SASH1: variants seen among roughly 807,000 people sequenced by gnomAD.
The protein encoded by SASH1 is SAM and SH3 domain containing 1.
In SASH1, 44 loss-of-function variants were observed where a neutral mutation model predicts 125.2. The ratio of observed to expected loss-of-function variants is 0.35; its 90% CI spans 0.28 to 0.45. The LOEUF (loss-of-function observed/expected upper bound fraction) is 0.45. Ranked by LOEUF, SASH1 falls within the 20% of genes least tolerant of loss-of-function variation. The pLI is 1.00. For synonymous variants in SASH1, 639 were observed against 649.1 expected (o/e 0.98, Z 0.24); for missense variants, 1,426 against 1,614.5 (o/e 0.88, Z 2.00).
intron 1 of SASH1, among the ~76,000 whole-genome samples, chr6:148,322,975 C>T (rs1413286837): frequency 1.4e-5 from 2 of 142,784 alleles, no homozygotes; most frequent in African/African-American, 5.2e-5. Context: ...CTCTACTTCC[C>T]TCCCTCCCTT....
rs576798745 is a variant in SASH1, at chr6:148,446,088, C to CTTT, written c.386+5717_386+5719dup. Among the ~76,000 whole-genome samples, 15 of 71,012 alleles carry CTTT rather than the reference C, an allele frequency of 2.1e-4. 1 individual carries two copies. Among genetic ancestry groups the CTTT allele is most frequent in the Middle Eastern group, 0.011 (1 of 88 alleles). The allele number at this position is 71,012 out of a possible 152,430, so 46.6% of individuals were successfully genotyped here. ...TTGCTATCCTGAACAACATAGGGTT[C>CTTT]TTTTTTTTTTTTTTTTTTTTTTTTT... On this transcript the variant is annotated intron_variant, in intron 4 of 19. Transcript: ENST00000367467.
chr6:148,261,821 A>C, the SASH1 span, among the ~76,000 whole-genome samples: 1 of 152,140 alleles, frequency 6.6e-6, no homozygotes, highest in African/African-American at 2.4e-5. Flanking sequence ...TAGAAAAGGC[A>C]TGGGAATAAG....
chr6:148,234,578 C>A, the SASH1 span, among the ~76,000 whole-genome samples: 1 of 152,030 alleles, frequency 6.6e-6, no homozygotes, highest in Non-Finnish European at 1.5e-5. Flanking sequence ...GTAATGCCAG[C>A]ACTTTGGGAG....
intron 1 of SASH1, among the ~76,000 whole-genome samples, chr6:148,292,545 G>A (rs1779662341): frequency 6.6e-6 from 1 of 152,140 alleles, no homozygotes; most frequent in African/African-American, 2.4e-5. Context: ...AAATAGCCTT[G>A]AGAAGGCTCT....
At chr6:148,242,244 T>C in the SASH1 span, among the ~76,000 whole-genome samples, 1 of 152,234 alleles carries the variant, frequency 6.6e-6, no homozygotes, top group Admixed American at 6.5e-5. Context: ...ATAAAGTCAT[T>C]GTGATTCAGA....
At chr6:148,457,812 GAAAC>G (rs1200960109) in intron 4 of SASH1, among the ~76,000 whole-genome samples, 1 of 152,146 alleles carries the variant, frequency 6.6e-6, no homozygotes, top group Non-Finnish European at 1.5e-5. Flanking sequence ...GGTAGAAGAG[GAAAC>G]AAACACATCC....
At chr6:148,459,389 C>T (rs1273251651) in intron 4 of SASH1, among the ~76,000 whole-genome samples, 2 of 152,198 alleles carry the variant, frequency 1.3e-5, no homozygotes, top group Non-Finnish European at 2.9e-5. Flanking sequence ...ACAACCAGAC[C>T]ATGGGCCTCC....
At chr6:148,290,657 C>T (rs528313424) in intron 1 of SASH1, among the ~76,000 whole-genome samples, 29 of 151,692 alleles carry the variant, frequency 1.9e-4, no homozygotes, top group African/African-American at 6.5e-4. Flanking sequence ...TAAACAGATG[C>T]TTGAAGGCAG....
At chr6:148,457,177 TC>T (rs1366947202) in intron 4 of SASH1, among the ~76,000 whole-genome samples, 2 of 105,438 alleles carry the variant, frequency 1.9e-5, no homozygotes, top group Admixed American at 2.1e-4. Flanking sequence ...CAAGGCCCCC[TC>T]CCCCGCCCCT....
chr6:148,527,460 A>C lies in SASH1; in HGVS notation c.1292A>C (p.Glu431Ala), dbSNP rs1360095073. ...GSNNSDPMGK[E>A]GDFVYKEVIK... ...CAACATTTTGTTTTACAGGGTAAAGAAGGAGACTTTGTGTACAAAGAAGTC... is the reference window on the plus strand; with the variant it reads ...CAACATTTTGTTTTACAGGGTAAAGCAGGAGACTTTGTGTACAAAGAAGTC... Residue 431 changes from glutamate (E) to alanine (A), a missense_variant, in exon 12 of 20, where the codon GAA becomes GCA. By Grantham distance (107) the Glu-to-Ala change is moderately radical. Coordinates refer to ENST00000367467, the MANE Select transcript of SASH1 (RefSeq NM_015278.5). The C allele has an allele frequency of 3.1e-6, 5 of 1,596,650 alleles. No homozygotes were observed. The East Asian group carries it at 9.0e-5, about 29-fold the overall frequency.
At chr6:148,316,674 A>T (rs1334532579) in intron 1 of SASH1, among the ~76,000 whole-genome samples, 1 of 152,230 alleles carries the variant, frequency 6.6e-6, no homozygotes, top group Non-Finnish European at 1.5e-5. Context: ...CCAAGAGAGT[A>T]GTGGCATTTG....
chr6:148,309,565 A>G (rs1003315819), intron 1 of SASH1, among the ~76,000 whole-genome samples: 7 of 152,020 alleles, frequency 4.6e-5, no homozygotes, highest in African/African-American at 7.2e-5. Flanking sequence ...ATTCCTTAGG[A>G]CAGCCCTGGC....
Position 148,543,855 on chromosome 6 carries a change from G to A in SASH1, c.2385G>A (p.Thr795=), listed in dbSNP as rs181294022. Residue 795 remains threonine, a synonymous_variant, in exon 18 of 20, where the codon ACG becomes ACA. Transcript: ENST00000367467. The stretch of plus-strand genomic sequence containing the variant: ...TGGGTGGTGGCCTTGCCCCAGACAC[G>A]TCCAAGAGCTGTGACCCACCTGGTG... ...GRLGGGLAPD[T]SKSCDPPGVT... is the part of the protein sequence containing the mutation. The A allele has an allele frequency of 3.4e-4, 543 of 1,614,156 alleles. 5 individuals carry two copies. The East Asian group carries it at 8.0e-3, about 24-fold the overall frequency.
chr6:148,295,666 G>GATGGCGGCGT (rs1394421735), intron 1 of SASH1, among the ~76,000 whole-genome samples: 2 of 152,230 alleles, frequency 1.3e-5, no homozygotes, highest in Admixed American at 6.5e-5. Context: ...AGTTTAAGCT[G>GATGGCGGCGT]ATGGCGGCGT....
intron 9 of SASH1, among the ~76,000 whole-genome samples, chr6:148,514,967 A>G (rs1303081574): frequency 6.6e-6 from 1 of 152,180 alleles, no homozygotes. Context: ...GGGGGCTTTA[A>G]GGACCTAGGA....
intron 1 of SASH1, among the ~76,000 whole-genome samples, chr6:148,294,448 C>A (rs1157654579): frequency 2.0e-5 from 3 of 152,154 alleles, no homozygotes; most frequent in Non-Finnish European, 4.4e-5. Context: ...TCCTTCCTCA[C>A]CAGAATGAAG....
the SASH1 span, among the ~76,000 whole-genome samples, chr6:148,238,796 T>C: frequency 3.9e-5 from 6 of 152,136 alleles, no homozygotes; most frequent in Non-Finnish European, 4.4e-5. Context: ...CCCCACTCTT[T>C]TGTCACATCT....
At chr6:148,234,252 A>G in the SASH1 span, among the ~76,000 whole-genome samples, 5 of 151,988 alleles carry the variant, frequency 3.3e-5, no homozygotes, top group Non-Finnish European at 5.9e-5. Context: ...TAGAATTACT[A>G]TTTCTATTGA....
chr6:148,500,392 T>C (rs1295669156), intron 8 of SASH1, among the ~76,000 whole-genome samples: 3 of 152,332 alleles, frequency 2.0e-5, no homozygotes, highest in Middle Eastern at 3.4e-3. Context: ...CGTATCGTAA[T>C]TGATGCCACC....
Sources: allele counts gnomAD v4.1 joint callset (sites outside exome capture counted in the v4.1 genomes callset), GRCh38; gene constraint gnomAD v4.1.1; transcripts MANE v1.5; gene names NCBI Gene and HGNC (gene_info 2026-07-23, HGNC 2026-07-21).